Variants in ST18 observed in about 807,000 individuals in gnomAD.
ST18 encodes suppression of tumorigenicity 18 protein.
ST18 carries 50 observed loss-of-function variants against 110.0 expected under a neutral mutation model. That is an observed-to-expected ratio of 0.45 (90% CI 0.36 to 0.58). The LOEUF (loss-of-function observed/expected upper bound fraction) is 0.58, where lower values mean the gene tolerates loss of function less well. Ranked by LOEUF, ST18 falls within the 20% of genes least tolerant of loss-of-function variation. The probability of loss-of-function intolerance (pLI) is 0.00; values close to 1 mark genes in which losing one functional copy is unlikely to be tolerated. For synonymous variants in ST18, 461 were observed against 452.4 expected, an observed-to-expected ratio of 1.02 and a Z score of -0.24; for missense variants, 1,306 against 1,280.1, an observed-to-expected ratio of 1.02 and a Z score of -0.31.
intron 11 of ST18, among the ~76,000 whole-genome samples, chr8:52,166,525 G>A (rs1359833802): frequency 6.6e-6 from 1 of 152,114 alleles, no homozygotes; most frequent in Non-Finnish European, 1.5e-5. Flanking sequence ...TAAAGACTCT[G>A]GCCCACTGTC....
chr8:52,302,215 G>A (rs1451731809), intron 2 of ST18, among the ~76,000 whole-genome samples: 3 of 152,144 alleles, frequency 2.0e-5, no homozygotes, highest in African/African-American at 4.8e-5. Flanking sequence ...ATATGTTGGG[G>A]ACATTCAAAG....
At chr8:52,244,374 G>C (rs796330180) in intron 2 of ST18, among the ~76,000 whole-genome samples, 17 of 152,298 alleles carry the variant, frequency 1.1e-4, no homozygotes, top group African/African-American at 3.4e-4. Flanking sequence ...TAAGTGAAAT[G>C]TACCTAATTT....
intron 22 of ST18, among the ~76,000 whole-genome samples, chr8:52,126,640 G>A (rs1035357694): frequency 2.0e-5 from 3 of 152,082 alleles, no homozygotes; most frequent in South Asian, 2.1e-4. Flanking sequence ...CCTACCCCAC[G>A]CCCCCATGGC....
intron 2 of ST18, among the ~76,000 whole-genome samples, chr8:52,396,958 A>G (rs1841362224): frequency 6.6e-6 from 1 of 152,192 alleles, no homozygotes; most frequent in Non-Finnish European, 1.5e-5. Context: ...TCATTCAAAT[A>G]TTTACAAGAT....
At chr8:52,373,754 C>G (rs1383190017) in intron 2 of ST18, among the ~76,000 whole-genome samples, 1 of 152,180 alleles carries the variant, frequency 6.6e-6, no homozygotes, top group African/African-American at 2.4e-5. Flanking sequence ...ATGCCCCCAA[C>G]TCTGTTGCCT....
intron 18 of ST18, 105 bp from the exon 19 acceptor site, chr8:52,136,763 G>A (rs2052560027): frequency 2.0e-6 from 2 of 978,544 alleles, no homozygotes; most frequent in South Asian, 1.6e-5. Context: ...TGGTGACTGG[G>A]GATTGGGAAA....
intron 2 of ST18, among the ~76,000 whole-genome samples, chr8:52,325,035 C>G (rs978241612): frequency 4.6e-5 from 7 of 152,040 alleles, no homozygotes; most frequent in African/African-American, 1.7e-4. Context: ...CAATGAAGGA[C>G]CAATAGAGGT....
At chr8:52,368,707 A>G (rs1202337138) in intron 2 of ST18, among the ~76,000 whole-genome samples, 1 of 152,228 alleles carries the variant, frequency 6.6e-6, no homozygotes, top group Non-Finnish European at 1.5e-5. Flanking sequence ...AAGAACCTGG[A>G]AGATTCATAC....
At chr8:52,132,651 A>C (rs2050158085) in intron 21 of ST18, among the ~76,000 whole-genome samples, 1 of 152,276 alleles carries the variant, frequency 6.6e-6, no homozygotes, top group Non-Finnish European at 1.5e-5. Flanking sequence ...GTTGTTGAGA[A>C]AACAACTTAA....
chr8:52,283,390 G>A (rs756684177), intron 2 of ST18, among the ~76,000 whole-genome samples: 3 of 152,194 alleles, frequency 2.0e-5, no homozygotes, highest in Admixed American at 6.5e-5. Context: ...GACTGCTTAT[G>A]AGATAACTCA....
At chr8:52,299,946 C>T (rs1156464597) in intron 2 of ST18, among the ~76,000 whole-genome samples, 1 of 152,214 alleles carries the variant, frequency 6.6e-6, no homozygotes, top group Non-Finnish European at 1.5e-5. Context: ...TTTCTTCCTT[C>T]CTGTGCCTCT....
At chr8:52,179,149 T>C (rs969926595) in intron 9 of ST18, among the ~76,000 whole-genome samples, 1 of 152,234 alleles carries the variant, frequency 6.6e-6, no homozygotes, top group South Asian at 2.1e-4. Flanking sequence ...TTTCATTTTC[T>C]AAGTCAATTT....
chr8:52,407,881 C>T (rs1341557394), intron 2 of ST18: 1 of 152,168 alleles, frequency 6.6e-6, no homozygotes, highest in Non-Finnish European at 1.5e-5. Flanking sequence ...ATTTCCACCC[C>T]AATTCATCAA....
intron 8 of ST18, among the ~76,000 whole-genome samples, chr8:52,181,406 C>A (rs985766541): frequency 3.3e-5 from 5 of 152,176 alleles, no homozygotes; most frequent in African/African-American, 9.7e-5. Flanking sequence ...CACACAGGAA[C>A]TCTTGGCTTT....
chr8:52,348,692 C>T (rs1210386947), intron 2 of ST18, among the ~76,000 whole-genome samples: 1 of 152,092 alleles, frequency 6.6e-6, no homozygotes, highest in East Asian at 1.9e-4. Context: ...TGCAGTGAGC[C>T]GAGATCGTGC....
intron 15 of ST18, 36 bp downstream of exon 15, chr8:52,158,862 C>A: frequency 6.2e-7 from 1 of 1,611,200 alleles, no homozygotes; most frequent in South Asian, 1.1e-5. Flanking sequence ...ACAGTTCAGT[C>A]GCTGGCCCAC....
At position 52,180,159 on chromosome 8, in the gene ST18, G is replaced by A. The variant is rs144397271; in HGVS notation, c.240C>T (p.Asp80=). 64 of 1,614,102 alleles carry A rather than the reference G, an allele frequency of 4.0e-5. No individual in the cohort carries two copies. In the African/African-American group the frequency reaches 4.8e-4, roughly 12 times the overall value. Residue 80 remains aspartate, a synonymous_variant, in exon 9 of 26, where the codon GAC becomes GAT. Transcript: ENST00000689386. ...GACCATGTGTTTCCAAGGGGCCATCGTCCTCTGTCCTGTCACTGCGGTCTT... is the reference window on the plus strand; with the variant it reads ...GACCATGTGTTTCCAAGGGGCCATCATCCTCTGTCCTGTCACTGCGGTCTT... ...CQEDRSDRTE[D]DGPLETHGHS... is the part of the protein sequence containing the mutation.
At chr8:52,252,286 G>T (rs2094348996) in intron 2 of ST18, among the ~76,000 whole-genome samples, 1 of 151,964 alleles carries the variant, frequency 6.6e-6, no homozygotes, top group African/African-American at 2.4e-5. Flanking sequence ...TATCTACCAG[G>T]TTAATTTATC....
intron 2 of ST18, among the ~76,000 whole-genome samples, chr8:52,253,237 C>A (rs1030593649): frequency 6.6e-6 from 1 of 151,784 alleles, no homozygotes; most frequent in African/African-American, 2.4e-5. Flanking sequence ...AAAGTAAGCA[C>A]CTATAATAAA....
Sources: gnomAD v4.1 joint callset for allele counts (sites outside exome capture counted in the v4.1 genomes callset) on GRCh38, gnomAD v4.1.1 for gene constraint, MANE v1.5 for transcripts, NCBI Gene and HGNC (gene_info 2026-07-23, HGNC 2026-07-21) for gene names.